The following PSG1 variants were observed in gnomAD, a reference collection of about 807,000 sequenced individuals.
PSG1 encodes the protein pregnancy-specific beta-1-glycoprotein 1.
PSG1 carries 60 observed loss-of-function variants against 41.4 expected under a neutral mutation model. The ratio of observed to expected loss-of-function variants is 1.45; its 90% CI spans 1.18 to 1.80. The LOEUF (loss-of-function observed/expected upper bound fraction) is 1.80, where lower values mean the gene tolerates loss of function less well. Ranked by LOEUF, PSG1 falls within the 40% of genes most tolerant of loss-of-function variation. The pLI is 0.00. For missense variants in PSG1, 806 were observed against 516.9 expected (o/e 1.56, Z -5.42); for synonymous variants, 256 against 192.9 (o/e 1.33, Z -2.71).
chr19:42,870,908 T>C (rs1458704303), intron 3 of PSG1, among the ~76,000 whole-genome samples: 1 of 151,662 alleles, frequency 6.6e-6, no homozygotes, highest in African/African-American at 2.4e-5. Context: ...AGATTGTTCA[T>C]TGTTAGTGTA....
chr19:42,867,796 T>G, intron 5 of PSG1: 1 of 1,158,656 alleles, frequency 8.6e-7, no homozygotes, highest in Non-Finnish European at 1.3e-6. Flanking sequence ...AAACAAACCA[T>G]TTAAAGAATC....
At chr19:42,873,240 A>T (rs542450419) in intron 2 of PSG1, among the ~76,000 whole-genome samples, 1 of 151,656 alleles carries the variant, frequency 6.6e-6, no homozygotes, top group Non-Finnish European at 1.5e-5. Context: ...TGGATGTCTA[A>T]TTATTTTTTT....
intron 1 of PSG1, 44 bp from the exon 2 acceptor site, chr19:42,878,322 T>C: frequency 6.4e-7 from 1 of 1,560,882 alleles, no homozygotes; most frequent in Non-Finnish European, 8.7e-7. Context: ...GACCTATGTA[T>C]TGGTGTGAAA....
intron 2 of PSG1, among the ~76,000 whole-genome samples, chr19:42,873,237 CTAAT>C (rs1971468646): frequency 6.6e-6 from 1 of 151,600 alleles, no homozygotes; most frequent in African/African-American, 2.4e-5. Context: ...TTTTGGATGT[CTAAT>C]TATTTTTTTA....
rs1291155902 is a variant in PSG1 at position 42,872,174 on chromosome 19, G to A, written c.431-129C>T. 18 of 1,347,656 alleles carry A rather than the reference G, an allele frequency of 1.3e-5. 1 individual carries two copies. Among genetic ancestry groups the A allele is most frequent in the Non-Finnish European group, 1.8e-5 (18 of 987,500 alleles). The allele number at this position is 1,347,656 out of a possible 1,614,324, so 83.5% of individuals were successfully genotyped here. ...GTCCTTAAAAGCCCATGGCAGGTGTGTGTGATACAAGACAGATGCATGGCA... is the reference window on the plus strand; with the variant it reads ...GTCCTTAAAAGCCCATGGCAGGTGTATGTGATACAAGACAGATGCATGGCA... On this transcript the variant is annotated intron_variant, in intron 2 of 5. Coordinates refer to ENST00000436291, the MANE Select transcript of PSG1 (RefSeq NM_001184825.2).
chr19:42,867,599 G>A lies in PSG1; in HGVS notation c.1244-449C>T, dbSNP rs1234914445. On this transcript the variant is annotated intron_variant, in intron 5 of 5. Transcript: ENST00000436291. ...TGTCATGTTACAAAGAAAGCAGATTGTTACTGTACTTGTGCAAATATGTGT... is the reference window on the plus strand; with the variant it reads ...TGTCATGTTACAAAGAAAGCAGATTATTACTGTACTTGTGCAAATATGTGT... 4 of 682,200 alleles carry A rather than the reference G, an allele frequency of 5.9e-6. 1 individual carries two copies. Among genetic ancestry groups the A allele is most frequent in the African/African-American group, 1.8e-5 (1 of 54,772 alleles). 42.3% of individuals were successfully genotyped at this position (682,200 alleles called of 1,614,324 possible). A position where few individuals can be genotyped will look rare whatever the true frequency, so the allele number is the denominator to read the frequency against.
At chr19:42,878,531 T>G (rs1277241160) in intron 1 of PSG1, 3 of 562,722 alleles carry the variant, frequency 5.3e-6, no homozygotes, top group Non-Finnish European at 8.2e-6. Flanking sequence ...ACTTCTGACG[T>G]TGGCATTTTT....
intron 3 of PSG1, among the ~76,000 whole-genome samples, chr19:42,871,297 C>A (rs552442558): frequency 1.8e-4 from 28 of 151,734 alleles, no homozygotes; most frequent in Non-Finnish European, 2.8e-4. Flanking sequence ...GGCAGGAGAG[C>A]TTGGGGACTT....
At chr19:42,875,627 C>G (rs1346231390) in intron 2 of PSG1, among the ~76,000 whole-genome samples, 1 of 151,354 alleles carries the variant, frequency 6.6e-6, no homozygotes. Flanking sequence ...GATTCCATCA[C>G]CAAACAATCA....
intron 1 of PSG1, among the ~76,000 whole-genome samples, chr19:42,878,729 A>G (rs1482492061): frequency 6.7e-6 from 1 of 149,180 alleles, no homozygotes; most frequent in African/African-American, 2.5e-5. Context: ...CTCACATTCT[A>G]GATCTCTTTG....
rs772222046 is a variant in PSG1, at chr19:42,868,235, T to C, written c.1109A>G (p.Glu370Gly). 8 of 1,612,028 alleles carry C rather than the reference T, an allele frequency of 5.0e-6. No individual in the cohort carries two copies. Among genetic ancestry groups the C allele is most frequent in the Non-Finnish European group, 6.8e-6 (8 of 1,179,084 alleles). ...PPAQYSWTINEKFQLPGQKLF... is the reference protein window; with the variant it reads ...PPAQYSWTINGKFQLPGQKLF... ...CTTTTGTCCTGGTAGCTGAAACTTT[T>C]CATTAATTGTCCAAGAATACTGTGC... Residue 370 changes from glutamate (E) to glycine (G), a missense_variant, in exon 5 of 6, where the codon GAA becomes GGA. Coordinates refer to ENST00000436291, the MANE Select transcript of PSG1 (RefSeq NM_001184825.2).
chr19:42,876,990 G>A (rs947680493), intron 2 of PSG1, among the ~76,000 whole-genome samples: 1 of 151,494 alleles, frequency 6.6e-6, no homozygotes, highest in Non-Finnish European at 1.5e-5. Flanking sequence ...GTGCCTTCCT[G>A]TGCCTCAGTT....
chr19:42,877,447 C>T (rs960193038), intron 2 of PSG1, among the ~76,000 whole-genome samples: 1 of 151,584 alleles, frequency 6.6e-6, no homozygotes, highest in Admixed American at 6.6e-5. Flanking sequence ...TAAGCCCTGC[C>T]CAAGAAGCCA....
chr19:42,879,299 C>T (rs990545121), intron 1 of PSG1, among the ~76,000 whole-genome samples: 10 of 151,226 alleles, frequency 6.6e-5, no homozygotes, highest in African/African-American at 1.9e-4. Context: ...ATTATAGGAG[C>T]ACACCACCAT....
chr19:42,868,053 T>C (rs761480670), intron 5 of PSG1, 48 bp downstream of exon 5: 4 of 1,612,076 alleles, frequency 2.5e-6, no homozygotes, highest in South Asian at 2.2e-5. Flanking sequence ...GAATGCCAGA[T>C]AGACTCCACC....
chr19:42,868,722 T>C (rs1411918680), intron 4 of PSG1, 34 bp downstream of exon 4: 2 of 1,607,798 alleles, frequency 1.2e-6, no homozygotes, highest in Non-Finnish European at 1.7e-6. Context: ...TTTAAGCTGG[T>C]GTCCTGGCCC....
chr19:42,876,182 C>T (rs1334531141), intron 2 of PSG1, among the ~76,000 whole-genome samples: 2 of 151,310 alleles, frequency 1.3e-5, no homozygotes, highest in African/African-American at 2.4e-5. Context: ...CAGGGCTTGC[C>T]AGTCAGAATG....
chr19:42,868,705 G>C, intron 4 of PSG1, 51 bp downstream of exon 4: 3 of 1,603,138 alleles, frequency 1.9e-6, no homozygotes, highest in Non-Finnish European at 2.6e-6. Context: ...GCATCTGGTG[G>C]TTTGGATTTA....
chr19:42,874,794 G>A (rs1448636863), intron 2 of PSG1, among the ~76,000 whole-genome samples: 1 of 151,530 alleles, frequency 6.6e-6, no homozygotes, highest in Non-Finnish European at 1.5e-5. Context: ...CTCCATAGCA[G>A]GTTGAGGATG....
Sources: gnomAD v4.1 joint callset for allele counts (sites outside exome capture counted in the v4.1 genomes callset) on GRCh38, gnomAD v4.1.1 for gene constraint, MANE v1.5 for transcripts, NCBI Gene and HGNC (gene_info 2026-07-23, HGNC 2026-07-21) for gene names.